Variants in NELL1 observed in about 807,000 individuals in gnomAD.
NELL1 encodes neural EGFL like 1, also known as protein kinase C-binding protein NELL1.
In NELL1, 76 loss-of-function variants were observed where a neutral mutation model predicts 107.4. That is an observed-to-expected ratio of 0.71 (90% CI 0.59 to 0.86). NELL1 has a LOEUF of 0.86. Ranked by LOEUF, NELL1 falls within the 40% of genes least tolerant of loss-of-function variation. The pLI is 0.00. For missense variants in NELL1, 1,024 were observed against 1,005.5 expected (o/e 1.02, Z -0.25); for synonymous variants, 353 against 341.2 (o/e 1.03, Z -0.38).
At chr11:20,859,926 C>T (rs188804559) in intron 4 of NELL1, among the ~76,000 whole-genome samples, 1 of 152,334 alleles carries the variant, frequency 6.6e-6, no homozygotes, top group African/African-American at 2.4e-5. Context: ...CTACCCACTC[C>T]AACACACAAT....
Position 21,038,750 on chromosome 11 carries a change from T to C in NELL1, c.1301-74839T>C, listed in dbSNP as rs112474014. Among the ~76,000 whole-genome samples, 3 of 152,294 alleles carry C rather than the reference T, an allele frequency of 2.0e-5. 1 individual carries two copies. The highest frequency in any genetic ancestry group is 7.2e-5 in the African/African-American group (3 of 41,558). On this transcript the variant is annotated intron_variant, in intron 12 of 19. Coordinates refer to ENST00000357134, the MANE Select transcript of NELL1 (RefSeq NM_006157.5). ...GGGGTAGATTAGCTCAACTCAACAG[T>C]GTGGCCTGTGGACCAATGCTGGCCT...
At chr11:21,330,841 C>T (rs772419414) in intron 14 of NELL1, among the ~76,000 whole-genome samples, 1 of 151,804 alleles carries the variant, frequency 6.6e-6, no homozygotes, top group Non-Finnish European at 1.5e-5. Flanking sequence ...TTCTGGCACC[C>T]CAATTTTGCA....
At chr11:21,163,910 G>A (rs1015703238) in intron 13 of NELL1, among the ~76,000 whole-genome samples, 21 of 151,976 alleles carry the variant, frequency 1.4e-4, no homozygotes, top group African/African-American at 4.8e-4. Flanking sequence ...TGAGGGGGGT[G>A]GGTAAAGATG....
At chr11:20,856,375 A>C (rs1848882556) in intron 4 of NELL1, among the ~76,000 whole-genome samples, 1 of 151,974 alleles carries the variant, frequency 6.6e-6, no homozygotes, top group Non-Finnish European at 1.5e-5. Flanking sequence ...GGTGTCTCTA[A>C]CTCTCCCTCA....
chr11:21,299,124 T>C (rs1158912587), intron 14 of NELL1, among the ~76,000 whole-genome samples: 2 of 151,992 alleles, frequency 1.3e-5, no homozygotes, highest in Non-Finnish European at 2.9e-5. Flanking sequence ...TTGATAACAG[T>C]CTATGGGAAG....
chr11:21,149,155 ACT>A (rs761935159), intron 13 of NELL1, among the ~76,000 whole-genome samples: 22 of 152,172 alleles, frequency 1.4e-4, no homozygotes, highest in Admixed American at 5.9e-4. Flanking sequence ...TGTGAGTTTG[ACT>A]CTGCTCTGTT....
chr11:21,184,018 G>A (rs1251441806), intron 13 of NELL1, among the ~76,000 whole-genome samples: 1 of 151,806 alleles, frequency 6.6e-6, no homozygotes, highest in African/African-American at 2.4e-5. Flanking sequence ...TAGGTGTAGT[G>A]AAGGGCAATG....
intron 15 of NELL1, among the ~76,000 whole-genome samples, chr11:21,515,379 C>A (rs1167253310): frequency 6.6e-6 from 1 of 152,170 alleles, no homozygotes. Context: ...ATATCATCAA[C>A]TAGAATCAAA....
At chr11:21,269,231 A>G (rs1848692707) in intron 14 of NELL1, among the ~76,000 whole-genome samples, 1 of 152,120 alleles carries the variant, frequency 6.6e-6, no homozygotes, top group Non-Finnish European at 1.5e-5. Context: ...AAAAAGAAAC[A>G]ATAGGAATAT....
intron 16 of NELL1, among the ~76,000 whole-genome samples, chr11:21,559,516 ATATATT>A (rs1389019257): frequency 6.6e-6 from 1 of 152,082 alleles, no homozygotes; most frequent in African/African-American, 2.4e-5. Context: ...GAGCAGGACA[ATATATT>A]TATGTCTTTC....
chr11:21,257,699 A>G (rs1252077284), intron 14 of NELL1, among the ~76,000 whole-genome samples: 3 of 151,950 alleles, frequency 2.0e-5, no homozygotes, highest in Non-Finnish European at 4.4e-5. Flanking sequence ...CTTTGTCAAG[A>G]ATGTTGCTTG....
chr11:20,705,323 A>G (rs1157510759), intron 2 of NELL1, among the ~76,000 whole-genome samples: 2 of 152,142 alleles, frequency 1.3e-5, no homozygotes, highest in Admixed American at 1.3e-4. Flanking sequence ...AGAGATATAG[A>G]CCAATGGAAC....
In NELL1 at chr11:20,928,479, C is replaced by A; in HGVS notation, c.997C>A (p.Pro333Thr). ...TGGCCAGTGCTGTAAGGTCTGCCGACGTAAGTACTGACTGAGGGTCAGACT... is the reference window on the plus strand; with the variant it reads ...TGGCCAGTGCTGTAAGGTCTGCCGAAGTAAGTACTGACTGAGGGTCAGACT... ...IAGQCCKVCR[P>T]KCIYGGKVLA... Residue 333 changes from proline (P) to threonine (T), a missense_variant and splice_region_variant, in exon 9 of 20, where the codon CCA (proline) becomes ACA (threonine). Transcript: ENST00000357134. 2 of 1,611,356 alleles carry A rather than the reference C, an allele frequency of 1.2e-6. No individual in the cohort carries two copies. The highest frequency in any genetic ancestry group is 8.5e-7 in the Non-Finnish European group (1 of 1,177,568).
At chr11:21,369,362 ATTT>A (rs34302489) in intron 14 of NELL1, among the ~76,000 whole-genome samples, 8 of 110,392 alleles carry the variant, frequency 7.2e-5, no homozygotes, top group Non-Finnish European at 7.5e-5. Context: ...GGTAGGTACT[ATTT>A]TTTTTTTTTT....
intron 16 of NELL1, among the ~76,000 whole-genome samples, chr11:21,540,982 T>G (rs1856278950): frequency 6.6e-6 from 1 of 152,164 alleles, no homozygotes; most frequent in African/African-American, 2.4e-5. Flanking sequence ...TTTGTCTTCA[T>G]AGCCGTTTAT....
chr11:20,748,279 C>T (rs1426500504), intron 2 of NELL1, among the ~76,000 whole-genome samples: 1 of 152,184 alleles, frequency 6.6e-6, no homozygotes, highest in Non-Finnish European at 1.5e-5. Context: ...GCTTCCTGTA[C>T]TCCAGCCACA....
intron 14 of NELL1, among the ~76,000 whole-genome samples, chr11:21,337,601 G>A (rs1184114104): frequency 6.6e-6 from 1 of 152,162 alleles, no homozygotes; most frequent in African/African-American, 2.4e-5. Flanking sequence ...CCAGCTACAA[G>A]GGAAACTGAG....
At chr11:21,491,645 T>C (rs1337049405) in intron 15 of NELL1, among the ~76,000 whole-genome samples, 2 of 152,166 alleles carry the variant, frequency 1.3e-5, no homozygotes, top group African/African-American at 4.8e-5. Context: ...GTCTCCAGCT[T>C]TGTTCTTTTG....
chr11:20,786,812 T>A (rs538868493), intron 3 of NELL1, among the ~76,000 whole-genome samples: 8 of 151,470 alleles, frequency 5.3e-5, no homozygotes, highest in Non-Finnish European at 1.2e-4. Context: ...ATCGAGACCA[T>A]CCTGGCTAAC....
Sources: allele counts gnomAD v4.1 joint callset (sites outside exome capture counted in the v4.1 genomes callset), GRCh38; gene constraint gnomAD v4.1.1; transcripts MANE v1.5; gene names NCBI Gene and HGNC (gene_info 2026-07-23, HGNC 2026-07-21).